Variants in NTM observed in about 807,000 individuals in gnomAD.
NTM encodes neurotrimin.
NTM carries 13 observed loss-of-function variants against 42.1 expected under a neutral mutation model. The observed-to-expected ratio is 0.31, with a 90% CI of 0.20 to 0.49. NTM has a LOEUF of 0.49. Among genes scored for constraint, NTM ranks in the 20% least tolerant of loss-of-function variants. The pLI, the probability that NTM is intolerant of heterozygous loss-of-function variation, is 0.99. For missense variants in NTM, 373 were observed against 452.8 expected (o/e 0.82, Z 1.60); for synonymous variants, 187 against 179.2 (o/e 1.04, Z -0.35).
rs2070816198 is a variant in NTM, at chr11:132,147,577, T to C, written c.400+1063T>C. ...TTTCTTTTCTCTTTTTTAGGACTTTTGTAATTTTTAAAATTTTTGAGCATC... is the reference window on the plus strand; with the variant it reads ...TTTCTTTTCTCTTTTTTAGGACTTTCGTAATTTTTAAAATTTTTGAGCATC... On this transcript the variant is annotated intron_variant, in intron 3 of 8. Coordinates refer to ENST00000683400, the MANE Select transcript of NTM (RefSeq NM_001352005.2). 2.0e-5 allele frequency among the ~76,000 whole-genome samples: 3 copies of C among 152,178 alleles called. No individual in the cohort carries two copies. The South Asian group carries it at 6.2e-4, about 32-fold the overall frequency.
Position 132,048,001 on chromosome 11 carries a change from C to CT in NTM, c.168-98269dup, listed in dbSNP as rs202240833. 3.3e-3 allele frequency among the ~76,000 whole-genome samples: 482 copies of CT among 147,328 alleles called. 2 individuals carry two copies. Among genetic ancestry groups the CT allele is most frequent in the South Asian group, 3.9e-3 (18 of 4,640 alleles). Reference sequence around the variant, plus strand: ...TTCACTTGTAATTAGTTCCTATTAACTTTTTTTTTTTTATATAGCTGAGTA... The same window carrying CT: ...TTCACTTGTAATTAGTTCCTATTAACTTTTTTTTTTTTTATATAGCTGAGTA... On this transcript the variant is annotated intron_variant, in intron 2 of 8. Coordinates refer to ENST00000683400, the MANE Select transcript of NTM (RefSeq NM_001352005.2).
At chr11:132,130,810 G>A (rs976178106) in intron 2 of NTM, among the ~76,000 whole-genome samples, 1 of 152,270 alleles carries the variant, frequency 6.6e-6, no homozygotes, top group South Asian at 2.1e-4. Flanking sequence ...AGCAAGATGG[G>A]AGATTTCTCA....
In NTM at chr11:131,384,756, T is replaced by A. The variant is rs112521222; in HGVS notation, c.82+13868T>A. Reference sequence around the variant, plus strand: ...AGACTGCTTCCATTACTCTTTAAAGTGAGGAAGGAGAGAAGTGTTTGAGAA... The same window carrying A: ...AGACTGCTTCCATTACTCTTTAAAGAGAGGAAGGAGAGAAGTGTTTGAGAA... On this transcript the variant is annotated intron_variant, in intron 1 of 8. Coordinates refer to ENST00000683400, the MANE Select transcript of NTM (RefSeq NM_001352005.2). Among the ~76,000 whole-genome samples, 307 of 152,178 alleles carry A rather than the reference T, an allele frequency of 2.0e-3. 4 individuals are homozygous for A. The highest frequency in any genetic ancestry group is 7.0e-3 in the African/African-American group (292 of 41,524).
chr11:132,107,501 A>G (rs913101952), intron 2 of NTM, among the ~76,000 whole-genome samples: 1 of 150,860 alleles, frequency 6.6e-6, no homozygotes, highest in Non-Finnish European at 1.5e-5. Flanking sequence ...GAGGTGCACC[A>G]CTATGCCTGG....
At chr11:131,701,087 C>G (rs767049361) in intron 1 of NTM, among the ~76,000 whole-genome samples, 1 of 152,280 alleles carries the variant, frequency 6.6e-6, no homozygotes, top group Non-Finnish European at 1.5e-5. Flanking sequence ...CTTTGTCTTT[C>G]TCAGTTTCCA....
At chr11:131,491,949 A>C (rs1027040191) in intron 1 of NTM, among the ~76,000 whole-genome samples, 3 of 152,196 alleles carry the variant, frequency 2.0e-5, no homozygotes, top group Non-Finnish European at 4.4e-5. Flanking sequence ...TAGCTTGAGC[A>C]CTTTATATGT....
chr11:131,464,368 G>A (rs1053291820), intron 1 of NTM, among the ~76,000 whole-genome samples: 9 of 152,004 alleles, frequency 5.9e-5, no homozygotes, highest in African/African-American at 2.2e-4. Context: ...CTGGGGGGGG[G>A]GCAGCAACAA....
At chr11:131,375,509 C>T (rs188259551) in intron 1 of NTM, among the ~76,000 whole-genome samples, 121 of 152,266 alleles carry the variant, frequency 7.9e-4, no homozygotes, top group African/African-American at 2.8e-3. Context: ...TCCCCATTGC[C>T]GGAGGGTGCT....
intron 1 of NTM, among the ~76,000 whole-genome samples, chr11:131,779,737 G>A (rs1195449547): frequency 2.0e-5 from 3 of 152,148 alleles, no homozygotes; most frequent in African/African-American, 7.2e-5. Context: ...ACAAGCAGAT[G>A]TTCTTTAGGT....
intron 2 of NTM, among the ~76,000 whole-genome samples, chr11:132,051,586 C>T (rs1003725457): frequency 1.3e-5 from 2 of 152,126 alleles, no homozygotes; most frequent in South Asian, 2.1e-4. Context: ...CCCCAGGCTC[C>T]GACTGCCTGG....
intron 2 of NTM, among the ~76,000 whole-genome samples, chr11:132,068,092 A>G (rs1056551724): frequency 4.7e-4 from 71 of 152,252 alleles, no homozygotes; most frequent in African/African-American, 1.6e-3. Context: ...AGGGTCACAT[A>G]CCCATTCCCT....
intron 3 of NTM, among the ~76,000 whole-genome samples, chr11:132,188,537 C>G (rs2078798490): frequency 6.6e-6 from 1 of 152,126 alleles, no homozygotes; most frequent in Admixed American, 6.5e-5. Flanking sequence ...ACACTTTAGT[C>G]TAGGAATATC....
chr11:131,916,752 C>G (rs1463239619), intron 2 of NTM, among the ~76,000 whole-genome samples: 1 of 152,208 alleles, frequency 6.6e-6, no homozygotes, highest in Non-Finnish European at 1.5e-5. Context: ...TAATCCGCAG[C>G]ACATGGCTTG....
At chr11:132,214,245 G>A (rs993697652) in intron 4 of NTM, among the ~76,000 whole-genome samples, 2 of 152,160 alleles carry the variant, frequency 1.3e-5, no homozygotes, top group South Asian at 2.1e-4. Flanking sequence ...CTAAGTCCGC[G>A]GTGTGCACCA....
chr11:131,865,140 G>A (rs1465046518), intron 1 of NTM, among the ~76,000 whole-genome samples: 1 of 152,174 alleles, frequency 6.6e-6, no homozygotes, highest in Admixed American at 6.5e-5. Context: ...GTCCCCAAAG[G>A]CAGGTATTAG....
chr11:132,064,286 G>A (rs1278348803), intron 2 of NTM, among the ~76,000 whole-genome samples: 1 of 152,130 alleles, frequency 6.6e-6, no homozygotes, highest in African/African-American at 2.4e-5. Flanking sequence ...ATAGACTTGG[G>A]TAAGGAGATC....
chr11:132,019,231 T>C (rs932403251), intron 2 of NTM, among the ~76,000 whole-genome samples: 3 of 151,372 alleles, frequency 2.0e-5, no homozygotes, highest in African/African-American at 7.3e-5. Flanking sequence ...ATTCCAGTTT[T>C]TTAGATGTAA....
At chr11:131,919,176 A>G (rs1266374233) in intron 2 of NTM, among the ~76,000 whole-genome samples, 1 of 151,874 alleles carries the variant, frequency 6.6e-6, no homozygotes, top group Non-Finnish European at 1.5e-5. Flanking sequence ...AAAAAAGATA[A>G]TTAATGGTAA....
rs564118329 is a variant in NTM at position 131,595,666 on chromosome 11, C to G, written c.82+224778C>G. On this transcript the variant is annotated intron_variant, in intron 1 of 8. Coordinates refer to ENST00000683400, the MANE Select transcript of NTM (RefSeq NM_001352005.2). ...GCCGGAACGGACTCTTCACAAACCT[C>G]TGGGATGGGCTGTGTACAGATGAAG... 7.2e-5 allele frequency among the ~76,000 whole-genome samples: 11 copies of G among 152,316 alleles called. No homozygotes were observed. In the South Asian group the frequency reaches 2.1e-3, roughly 29 times the overall value.
Sources: gnomAD v4.1 joint callset for allele counts (sites outside exome capture counted in the v4.1 genomes callset) on GRCh38, gnomAD v4.1.1 for gene constraint, MANE v1.5 for transcripts, NCBI Gene and HGNC (gene_info 2026-07-23, HGNC 2026-07-21) for gene names.